EVI5: variants seen among roughly 807,000 people sequenced by gnomAD.
The protein encoded by EVI5 is ecotropic viral integration site 5, also known as ecotropic viral integration site 5 protein homolog.
EVI5 carries 73 observed loss-of-function variants against 112.0 expected under a neutral mutation model. The ratio of observed to expected loss-of-function variants is 0.65; its 90% CI spans 0.54 to 0.79. The LOEUF (loss-of-function observed/expected upper bound fraction) is 0.79, where lower values mean the gene tolerates loss of function less well. Ranked by LOEUF, EVI5 falls within the 30% of genes least tolerant of loss-of-function variation. EVI5 has a pLI of 0.00. For synonymous variants in EVI5, 305 were observed against 319.9 expected (o/e 0.95, Z 0.50); for missense variants, 900 against 968.8 (o/e 0.93, Z 0.94).
At chr1:92,557,717 C>T (rs1442193069) in intron 19 of EVI5, among the ~76,000 whole-genome samples, 3 of 151,352 alleles carry the variant, frequency 2.0e-5, no homozygotes, top group East Asian at 3.9e-4. Flanking sequence ...TAAAAAATTC[C>T]GAAGAAAACT....
At chr1:92,553,297 A>ATTTTTT (rs147973775) in intron 19 of EVI5, among the ~76,000 whole-genome samples, 14 of 74,210 alleles carry the variant, frequency 1.9e-4, no homozygotes, top group East Asian at 4.3e-4. Context: ...CACCTGGCCA[A>ATTTTTT]TTTTTTTTTT....
At chr1:92,747,671 G>A (rs570397139) in intron 1 of EVI5, among the ~76,000 whole-genome samples, 12 of 121,832 alleles carry the variant, frequency 9.8e-5, no homozygotes, top group African/African-American at 3.8e-4. Flanking sequence ...CTGAGATCAC[G>A]CCACTGCACT....
chr1:92,695,510 ATTATAT>A (rs1670179945), intron 6 of EVI5, 57 bp from the exon 7 acceptor site: 1 of 1,160,446 alleles, frequency 8.6e-7, no homozygotes. Context: ...TTTAAATTAG[ATTATAT>A]TTATACTAGA....
At chr1:92,620,932 CAA>C (rs1557918488) in intron 16 of EVI5, among the ~76,000 whole-genome samples, 1 of 151,994 alleles carries the variant, frequency 6.6e-6, no homozygotes, top group African/African-American at 2.4e-5. Flanking sequence ...GACAATTTCA[CAA>C]AAGAGGTAGA....
At chr1:92,648,613 T>A (rs888458586) in intron 13 of EVI5, among the ~76,000 whole-genome samples, 2 of 152,210 alleles carry the variant, frequency 1.3e-5, no homozygotes, top group Non-Finnish European at 2.9e-5. Context: ...ATATTTCCTA[T>A]AAATGGAGTC....
intron 2 of EVI5, among the ~76,000 whole-genome samples, chr1:92,735,217 A>G (rs1197340620): frequency 6.6e-6 from 1 of 152,208 alleles, no homozygotes; most frequent in Non-Finnish European, 1.5e-5. Context: ...ATGATGGAAT[A>G]CTATAAAAAG....
chr1:92,708,278 C>T (rs1435142876), intron 2 of EVI5, among the ~76,000 whole-genome samples: 2 of 151,286 alleles, frequency 1.3e-5, no homozygotes, highest in African/African-American at 2.4e-5. Context: ...TAGAAAGAAC[C>T]CTTACAAATC....
At position 92,680,489 on chromosome 1, in the gene EVI5, C is replaced by T. The variant is rs376166764; in HGVS notation, c.1098-3271G>A. On this transcript the variant is annotated intron_variant, in intron 9 of 19. Transcript: ENST00000684568. Reference sequence around the variant, plus strand: ...TAAATAAATGAGGGTGAAGGGAAAGCTCTTCCTTACAGTAGAATGCTGATT... The same window carrying T: ...TAAATAAATGAGGGTGAAGGGAAAGTTCTTCCTTACAGTAGAATGCTGATT... Among the ~76,000 whole-genome samples the T allele has an allele frequency of 2.8e-4, 43 of 152,164 alleles. No homozygotes were observed. In the South Asian group the frequency reaches 8.5e-3, roughly 30 times the overall value.
intron 16 of EVI5, 71 bp downstream of exon 16, chr1:92,624,105 G>C (rs1274268743): frequency 7.6e-7 from 1 of 1,322,432 alleles, no homozygotes; most frequent in Non-Finnish European, 1.1e-6. Flanking sequence ...TTCTAGGGAT[G>C]ATACAATCTG....
At chr1:92,518,094 C>T (rs560328633) in intron 19 of EVI5, among the ~76,000 whole-genome samples, 11 of 151,842 alleles carry the variant, frequency 7.2e-5, no homozygotes, top group South Asian at 2.1e-4. Flanking sequence ...GACGGGGTTT[C>T]GCCATTGTTG....
At chr1:92,617,654 C>T (rs1653520293) in intron 16 of EVI5, among the ~76,000 whole-genome samples, 1 of 152,222 alleles carries the variant, frequency 6.6e-6, no homozygotes, top group African/African-American at 2.4e-5. Flanking sequence ...ACAGCCACTG[C>T]TAAGTGCCCA....
chr1:92,630,509 G>A (rs1294907554), intron 14 of EVI5, among the ~76,000 whole-genome samples: 1 of 152,146 alleles, frequency 6.6e-6, no homozygotes, highest in Non-Finnish European at 1.5e-5. Context: ...ACTTGTTGAT[G>A]GGGTTGTTTG....
At chr1:92,769,167 TCTC>T (rs1472060413) in intron 1 of EVI5, among the ~76,000 whole-genome samples, 1 of 152,142 alleles carries the variant, frequency 6.6e-6, no homozygotes, top group Non-Finnish European at 1.5e-5. Flanking sequence ...AGTACCATTC[TCTC>T]CTTTTATTCT....
chr1:92,590,782 G>A (rs1469805709), intron 18 of EVI5, among the ~76,000 whole-genome samples: 3 of 152,080 alleles, frequency 2.0e-5, no homozygotes, highest in African/African-American at 2.4e-5. Flanking sequence ...GATACTCCTC[G>A]AGAAGAGCAA....
chr1:92,718,637 A>T (rs948645018), intron 2 of EVI5, among the ~76,000 whole-genome samples: 10 of 152,236 alleles, frequency 6.6e-5, no homozygotes, highest in African/African-American at 2.2e-4. Flanking sequence ...AAAGAACTAG[A>T]GAAGCAAGAG....
At chr1:92,590,516 C>T (rs560867803) in intron 18 of EVI5, among the ~76,000 whole-genome samples, 10 of 151,856 alleles carry the variant, frequency 6.6e-5, no homozygotes, top group East Asian at 1.9e-4. Flanking sequence ...AGGGTATCAG[C>T]GATGGAATAT....
At chr1:92,524,003 A>G (rs548024810) in intron 19 of EVI5, among the ~76,000 whole-genome samples, 2 of 152,034 alleles carry the variant, frequency 1.3e-5, no homozygotes, top group African/African-American at 4.8e-5. Flanking sequence ...AGGCTGAGGC[A>G]GCAGGATTGC....
intron 10 of EVI5, among the ~76,000 whole-genome samples, chr1:92,667,110 C>T (rs1665059259): frequency 6.6e-6 from 1 of 152,132 alleles, no homozygotes; most frequent in Non-Finnish European, 1.5e-5. Flanking sequence ...CATGGCAAAA[C>T]CCTGTCTCTA....
At chr1:92,547,750 A>T (rs940443802) in intron 19 of EVI5, among the ~76,000 whole-genome samples, 20 of 152,374 alleles carry the variant, frequency 1.3e-4, no homozygotes, top group Non-Finnish European at 8.8e-5. Flanking sequence ...AATCTAGAAG[A>T]AATGGATAAG....
Sources: gnomAD v4.1 joint callset for allele counts (sites outside exome capture counted in the v4.1 genomes callset) on GRCh38, gnomAD v4.1.1 for gene constraint, MANE v1.5 for transcripts, NCBI Gene and HGNC (gene_info 2026-07-23, HGNC 2026-07-21) for gene names.